Variants in STAC observed in about 807,000 individuals in gnomAD.
STAC encodes SH3 and cysteine rich domain.
A neutral mutation model predicts 48.8 loss-of-function variants in STAC; 43 were observed. The ratio of observed to expected loss-of-function variants is 0.88; its 90% CI spans 0.69 to 1.14. The LOEUF is 1.14. Among genes scored for constraint, STAC ranks in the 50% most tolerant of loss-of-function variants. The pLI is 0.00. For synonymous variants in STAC, 193 were observed against 179.5 expected, an observed-to-expected ratio of 1.07 and a Z score of -0.60; for missense variants, 497 against 504.0, an observed-to-expected ratio of 0.99 and a Z score of 0.13.
At chr3:36,399,680 A>G (rs1699962163) in intron 1 of STAC, among the ~76,000 whole-genome samples, 1 of 152,144 alleles carries the variant, frequency 6.6e-6, no homozygotes, top group South Asian at 2.1e-4. Context: ...CCATCCTTCA[A>G]TCTAAAATAA....
chr3:36,391,928 C>T (rs140649293), intron 1 of STAC, among the ~76,000 whole-genome samples: 1 of 152,164 alleles, frequency 6.6e-6, no homozygotes, highest in African/African-American at 2.4e-5. Context: ...CCCAGAACAC[C>T]CCAAGGCTCC....
chr3:36,398,347 G>GAAAGAAAGAAAA lies in STAC; in HGVS notation c.111+17604_111+17605insAAAAGAAAGAAA, dbSNP rs1559476953. On this transcript the variant is annotated intron_variant, in intron 1 of 10. Coordinates refer to ENST00000273183, the MANE Select transcript of STAC (RefSeq NM_003149.3). ...AGAAAGAAAGAAAGAAAGAAAGAAA[G>GAAAGAAAGAAAA]AAAGAAAGAAAGAAAGAAAGAAAAG... is the stretch of plus-strand genomic sequence containing the variant. Among the ~76,000 whole-genome samples the GAAAGAAAGAAAA allele has an allele frequency of 2.6e-3, 341 of 131,024 alleles. 6 individuals are homozygous for GAAAGAAAGAAAA. Among genetic ancestry groups the GAAAGAAAGAAAA allele is most frequent in the Middle Eastern group, 8.3e-3 (2 of 242 alleles). 86.0% of individuals were successfully genotyped at this position (131,024 alleles called of 152,430 possible).
At chr3:36,452,927 C>T (rs890721123) in intron 2 of STAC, among the ~76,000 whole-genome samples, 1 of 152,222 alleles carries the variant, frequency 6.6e-6, no homozygotes, top group African/African-American at 2.4e-5. Flanking sequence ...GCTCAACAAG[C>T]CTTCTGGTGC....
chr3:36,525,559 G>C (rs183524425), intron 8 of STAC, among the ~76,000 whole-genome samples: 500 of 152,248 alleles, frequency 3.3e-3, no homozygotes, highest in African/African-American at 9.7e-3. Flanking sequence ...TTCACTCTTA[G>C]GGAAAGGTAC....
intron 1 of STAC, among the ~76,000 whole-genome samples, chr3:36,408,846 A>G (rs1700136117): frequency 1.3e-5 from 2 of 152,178 alleles, no homozygotes; most frequent in African/African-American, 4.8e-5. Context: ...ATCAAACAAT[A>G]TTGTTTAGAC....
At chr3:36,538,240 A>G (rs1362324097) in intron 10 of STAC, among the ~76,000 whole-genome samples, 1 of 152,174 alleles carries the variant, frequency 6.6e-6, no homozygotes, top group East Asian at 1.9e-4. Context: ...AGCTAAATTT[A>G]TTCATATATA....
At chr3:36,506,516 G>T (rs1237104195) in intron 8 of STAC, among the ~76,000 whole-genome samples, 1 of 152,078 alleles carries the variant, frequency 6.6e-6, no homozygotes, top group South Asian at 2.1e-4. Flanking sequence ...AATTACTTTG[G>T]GCAGTATGGC....
intron 1 of STAC, among the ~76,000 whole-genome samples, chr3:36,383,750 A>G (rs1386742746): frequency 1.3e-5 from 2 of 152,216 alleles, no homozygotes; most frequent in Non-Finnish European, 2.9e-5. Flanking sequence ...TAGGGAAAGA[A>G]TTTATAGCTT....
At chr3:36,392,129 C>T (rs1176738932) in intron 1 of STAC, among the ~76,000 whole-genome samples, 1 of 152,176 alleles carries the variant, frequency 6.6e-6, no homozygotes, top group Admixed American at 6.5e-5. Context: ...TGATGTCAAT[C>T]ACTAGAAGCA....
chr3:36,436,936 A>G (rs1700848094), intron 1 of STAC, among the ~76,000 whole-genome samples: 1 of 151,678 alleles, frequency 6.6e-6, no homozygotes, highest in Non-Finnish European at 1.5e-5. Context: ...CAAGAAAAAA[A>G]CAAACAACCC....
intron 1 of STAC, among the ~76,000 whole-genome samples, chr3:36,431,359 C>A (rs1206503047): frequency 6.6e-6 from 1 of 152,202 alleles, no homozygotes; most frequent in African/African-American, 2.4e-5. Flanking sequence ...ACTCAGAATG[C>A]AGAGTGGGGA....
rs59589769 is a variant in STAC at position 36,390,451 on chromosome 3, C to CTTTTTTTTTTTTTTTTTTTTTTTTTTTT, written c.111+9718_111+9719insTTTTTTTTTTTTTTTTTTTTTTTTTTTT. 5.4e-4 allele frequency among the ~76,000 whole-genome samples: 44 copies of CTTTTTTTTTTTTTTTTTTTTTTTTTTTT among 80,832 alleles called. 1 individual carries two copies. Among genetic ancestry groups the CTTTTTTTTTTTTTTTTTTTTTTTTTTTT allele is most frequent in the Admixed American group, 9.6e-4 (6 of 6,226 alleles). The allele number at this position is 80,832 out of a possible 152,430, so 53.0% of individuals were successfully genotyped here. A position where few individuals can be genotyped will look rare whatever the true frequency, so the allele number is the denominator to read the frequency against. ...GAAGTAATCATGTGATTTTTCTTTT[C>CTTTTTTTTTTTTTTTTTTTTTTTTTTTT]TTTTTTTTTTTTTTTTTTTTTGTCC... On this transcript the variant is annotated intron_variant, in intron 1 of 10. Transcript: ENST00000273183.
rs369536237 is a variant in STAC at position 36,443,380 on chromosome 3, G to C, written c.128G>C (p.Arg43Pro). Residue 43 changes from arginine (R) to proline (P), a missense_variant, in exon 2 of 11, where the codon CGA becomes CCA. Physicochemically the swap from Arg to Pro is moderately radical, Grantham distance 103. Coordinates refer to ENST00000273183, the MANE Select transcript of STAC (RefSeq NM_003149.3). This position sits in a 1 kb window ranked among gnomAD's most constrained non-coding sequence, Gnocchi z 4.2. ...GCATTGCAGCTCCAGAAACTAAAAC[G>C]ATCACTTTCTTTCAAGACCAAGAGT... ...SQESKLQKLK[R>P]SLSFKTKSLR... 15 of 1,614,120 alleles carry C rather than the reference G, an allele frequency of 9.3e-6. No individual in the cohort carries two copies. In the South Asian group the frequency reaches 1.6e-4, roughly 18 times the overall value.
intron 1 of STAC, among the ~76,000 whole-genome samples, chr3:36,420,584 A>T (rs1700426781): frequency 6.6e-6 from 1 of 152,194 alleles, no homozygotes; most frequent in Non-Finnish European, 1.5e-5. Context: ...CGAGGACGCT[A>T]GGTTGTGCAC....
chr3:36,411,521 G>A (rs73830316), intron 1 of STAC, among the ~76,000 whole-genome samples: 3,542 of 152,278 alleles, frequency 0.023, 60 homozygotes, highest in East Asian at 0.026. Context: ...AAAGAGTGCT[G>A]GTGGGAGAAG....
intron 2 of STAC, among the ~76,000 whole-genome samples, chr3:36,473,757 A>C (rs561254196): frequency 2.0e-4 from 31 of 152,294 alleles, no homozygotes; most frequent in African/African-American, 7.0e-4. Flanking sequence ...AATTGGTAAA[A>C]CTGTTATCCT....
intron 2 of STAC, among the ~76,000 whole-genome samples, chr3:36,466,013 T>A (rs772897254): frequency 1.3e-5 from 2 of 152,126 alleles, no homozygotes; most frequent in Non-Finnish European, 2.9e-5. Flanking sequence ...TTAATCATCA[T>A]AAATATTTAT....
intron 10 of STAC, among the ~76,000 whole-genome samples, chr3:36,541,068 C>G (rs1341505946): frequency 6.6e-6 from 1 of 152,120 alleles, no homozygotes; most frequent in South Asian, 2.1e-4. Context: ...CTAAGCTATC[C>G]TTGAAATGAT....
intron 6 of STAC, among the ~76,000 whole-genome samples, chr3:36,499,829 T>C: frequency 6.6e-6 from 1 of 151,720 alleles, no homozygotes; most frequent in Non-Finnish European, 1.5e-5. Flanking sequence ...TTTTCAGACA[T>C]AGAAACCAAG....
Sources: allele counts gnomAD v4.1 joint callset (sites outside exome capture counted in the v4.1 genomes callset), GRCh38; gene constraint gnomAD v4.1.1; non-coding constraint Gnocchi (gnomAD v3.1); transcripts MANE v1.5; gene names NCBI Gene and HGNC (gene_info 2026-07-23, HGNC 2026-07-21).